The following PTPN14 variants were observed in gnomAD, a reference collection of about 807,000 sequenced individuals.
The protein encoded by PTPN14 is tyrosine-protein phosphatase non-receptor type 14.
A neutral mutation model predicts 126.8 loss-of-function variants in PTPN14; 53 were observed. That is an observed-to-expected ratio of 0.42 (90% CI 0.34 to 0.53). PTPN14 has a LOEUF of 0.53. Among genes scored for constraint, PTPN14 ranks in the 20% least tolerant of loss-of-function variants. PTPN14 has a pLI of 0.08. For synonymous variants in PTPN14, 630 were observed against 599.3 expected, an observed-to-expected ratio of 1.05 and a Z score of -0.75; for missense variants, 1,257 against 1,552.9, an observed-to-expected ratio of 0.81 and a Z score of 3.20.
At chr1:214,542,680 T>C (rs936334990) in intron 1 of PTPN14, among the ~76,000 whole-genome samples, 5 of 152,228 alleles carry the variant, frequency 3.3e-5, no homozygotes, top group East Asian at 1.9e-4. Flanking sequence ...ATGGTTTTGA[T>C]AGGCAATGAT....
intron 1 of PTPN14, among the ~76,000 whole-genome samples, chr1:214,465,951 C>CTTTTTTTCTTTTTTTT (rs1660625573): frequency 1.7e-5 from 1 of 59,024 alleles, no homozygotes; most frequent in African/African-American, 6.9e-5. Context: ...CAGTTACTTC[C>CTTTTTTTCTTTTTTTT]TTTTTTTTTT....
At chr1:214,419,104 G>A (rs1053667694) in intron 3 of PTPN14, among the ~76,000 whole-genome samples, 1 of 151,996 alleles carries the variant, frequency 6.6e-6, no homozygotes, top group African/African-American at 2.4e-5. Flanking sequence ...CTATATTATC[G>A]ATCATAAAAA....
intron 3 of PTPN14, among the ~76,000 whole-genome samples, chr1:214,450,563 T>C (rs149562283): frequency 2.9e-4 from 44 of 152,114 alleles, no homozygotes; most frequent in African/African-American, 9.9e-4. Flanking sequence ...AGCATCCTTA[T>C]ATCAGAAATT....
rs780158000 is a variant in PTPN14, at chr1:214,391,024, G to A, written c.951C>T (p.Pro317=). Reference sequence around the variant, plus strand: ...GGCTCCAGGTGGGCTGGCGTCTGATGGGGGGTGGAGAATTTGACTGTCTAC... The same window carrying A: ...GGCTCCAGGTGGGCTGGCGTCTGATAGGGGGTGGAGAATTTGACTGTCTAC... The part of the protein sequence containing the change: ...ICTEQSNSPP[P]IRRQPTWSRS... The change falls in exon 11 of 19, where the codon CCC becomes CCT. Residue 317 remains proline, a synonymous_variant. Transcript: ENST00000366956. The A allele has an allele frequency of 3.8e-6, 6 of 1,583,060 alleles. No individual in the cohort carries two copies. Among genetic ancestry groups the A allele is most frequent in the Middle Eastern group, 3.3e-4 (2 of 5,982 alleles).
intron 11 of PTPN14, among the ~76,000 whole-genome samples, chr1:214,387,295 T>C (rs1225853337): frequency 6.6e-6 from 1 of 152,202 alleles, no homozygotes; most frequent in Non-Finnish European, 1.5e-5. Context: ...GCAGATTGAC[T>C]GAGCTCAGGA....
chr1:214,375,549 G>A (rs2102526176), intron 15 of PTPN14, among the ~76,000 whole-genome samples: 1 of 152,254 alleles, frequency 6.6e-6, no homozygotes, highest in African/African-American at 2.4e-5. Flanking sequence ...TTAACTACAG[G>A]TACACATGTA....
At chr1:214,402,842 ATC>A in intron 6 of PTPN14, 39 bp downstream of exon 6, 1 of 1,600,436 alleles carries the variant, frequency 6.2e-7, no homozygotes, top group Non-Finnish European at 8.6e-7. Flanking sequence ...GGCTGTAAAC[ATC>A]TGTTGTGCAG....
intron 1 of PTPN14, among the ~76,000 whole-genome samples, chr1:214,549,394 C>T (rs998864699): frequency 1.3e-5 from 2 of 152,194 alleles, no homozygotes; most frequent in South Asian, 4.1e-4. Context: ...TTTAGCACAA[C>T]TGTGCTAAAG....
chr1:214,401,985 TA>T (rs1381845846), intron 6 of PTPN14, among the ~76,000 whole-genome samples: 1 of 152,060 alleles, frequency 6.6e-6, no homozygotes, highest in East Asian at 1.9e-4. Context: ...AAGAGGAAGG[TA>T]AAGTATTTAA....
At chr1:214,438,658 G>T (rs995968011) in intron 3 of PTPN14, among the ~76,000 whole-genome samples, 1 of 152,062 alleles carries the variant, frequency 6.6e-6, no homozygotes, top group Non-Finnish European at 1.5e-5. Flanking sequence ...AATAATGTAC[G>T]AAGCCTCACA....
At chr1:214,435,515 G>C (rs1383904023) in intron 3 of PTPN14, among the ~76,000 whole-genome samples, 1 of 151,914 alleles carries the variant, frequency 6.6e-6, no homozygotes, top group Admixed American at 6.6e-5. Flanking sequence ...AAAGTATTCA[G>C]TGAACTGGGT....
intron 3 of PTPN14, among the ~76,000 whole-genome samples, chr1:214,426,644 C>A (rs1172788429): frequency 6.6e-6 from 1 of 152,132 alleles, no homozygotes; most frequent in Non-Finnish European, 1.5e-5. Context: ...AACTATAATT[C>A]CCAAATCAGA....
At chr1:214,436,129 G>A (rs1659909728) in intron 3 of PTPN14, among the ~76,000 whole-genome samples, 1 of 152,138 alleles carries the variant, frequency 6.6e-6, no homozygotes, top group African/African-American at 2.4e-5. Context: ...TATCCTAAGT[G>A]AGCTAACATA....
chr1:214,460,211 T>C (rs1033585712), intron 2 of PTPN14, among the ~76,000 whole-genome samples: 5 of 152,164 alleles, frequency 3.3e-5, no homozygotes, highest in African/African-American at 4.8e-5. Context: ...AGCTGATATA[T>C]GGAAACTGCT....
In PTPN14 at chr1:214,353,255, C is replaced by T. The variant is rs528283095; in HGVS notation, c.*4667G>A. 159 of 152,346 alleles carry T rather than the reference C, an allele frequency of 1.0e-3. No individual in the cohort carries two copies. The highest frequency in any genetic ancestry group is 3.7e-3 in the African/African-American group (153 of 41,574). The allele number at this position is 152,346 out of a possible 1,614,324, so 9.4% of individuals were successfully genotyped here. A position where few individuals can be genotyped will look rare whatever the true frequency, so the allele number is the denominator to read the frequency against. On this transcript the variant is annotated 3_prime_UTR_variant, in exon 19 of 19. Coordinates refer to ENST00000366956, the MANE Select transcript of PTPN14 (RefSeq NM_005401.5). ...AAAATAGCACAGTATTTGCATATAA[C>T]CTATGCACATCTCTTGCATACTTTA...
intron 12 of PTPN14, among the ~76,000 whole-genome samples, chr1:214,385,540 C>A (rs1283890382): frequency 6.6e-6 from 1 of 152,168 alleles, no homozygotes; most frequent in South Asian, 2.1e-4. Flanking sequence ...TTGATTTCTA[C>A]AATCAGGCCC....
At chr1:214,389,613 T>A (rs1417618243) in intron 11 of PTPN14, among the ~76,000 whole-genome samples, 2 of 152,184 alleles carry the variant, frequency 1.3e-5, no homozygotes, top group Admixed American at 1.3e-4. Context: ...ATGAATTGGA[T>A]CAGACTTCCT....
At chr1:214,534,023 A>G (rs921141962) in intron 1 of PTPN14, among the ~76,000 whole-genome samples, 1 of 152,230 alleles carries the variant, frequency 6.6e-6, no homozygotes, top group Non-Finnish European at 1.5e-5. Context: ...GATCAATAAC[A>G]ATAGAATTAG....
At chr1:214,478,673 T>C (rs989750571) in intron 1 of PTPN14, among the ~76,000 whole-genome samples, 21 of 152,318 alleles carry the variant, frequency 1.4e-4, no homozygotes, top group African/African-American at 4.8e-4. Context: ...TCAGCTATAA[T>C]AGCCTTTAAA....
Sources: gnomAD v4.1 joint callset for allele counts (sites outside exome capture counted in the v4.1 genomes callset) on GRCh38, gnomAD v4.1.1 for gene constraint, MANE v1.5 for transcripts, NCBI Gene and HGNC (gene_info 2026-07-23, HGNC 2026-07-21) for gene names.